The following AP1B1 variants were observed in gnomAD, a reference collection of about 807,000 sequenced individuals.
The protein encoded by AP1B1 is AP-1 complex subunit beta-1.
AP1B1 carries 36 observed loss-of-function variants against 104.3 expected under a neutral mutation model. The observed-to-expected ratio is 0.35, with a 90% CI of 0.26 to 0.46. AP1B1 has a LOEUF of 0.46. Among genes scored for constraint, AP1B1 ranks in the 20% least tolerant of loss-of-function variants. AP1B1 has a pLI of 1.00. For synonymous variants in AP1B1, 504 were observed against 517.5 expected, an observed-to-expected ratio of 0.97 and a Z score of 0.35; for missense variants, 901 against 1,247.9, an observed-to-expected ratio of 0.72 and a Z score of 4.19.
chr22:29,335,784 C>T (rs1007099781), intron 16 of AP1B1, among the ~76,000 whole-genome samples: 6 of 152,304 alleles, frequency 3.9e-5, no homozygotes, highest in Non-Finnish European at 8.8e-5. Context: ...GCTTTGAAAG[C>T]GCCTCCCCAC....
At chr22:29,352,033 C>T (rs1240923949) in intron 7 of AP1B1, among the ~76,000 whole-genome samples, 1 of 152,248 alleles carries the variant, frequency 6.6e-6, no homozygotes, top group African/African-American at 2.4e-5. Context: ...TGTGCCTGAG[C>T]ACGTCGCCGG....
chr22:29,367,416 C>A (rs372729910), intron 1 of AP1B1, 146 bp from the exon 2 acceptor site: 2 of 477,190 alleles, frequency 4.2e-6, no homozygotes, highest in South Asian at 2.5e-5. Flanking sequence ...AACTTTAGAT[C>A]ATGGCAGATT....
intron 7 of AP1B1, among the ~76,000 whole-genome samples, chr22:29,352,302 G>A (rs2061888828): frequency 6.6e-6 from 1 of 152,202 alleles, no homozygotes; most frequent in Non-Finnish European, 1.5e-5. Context: ...AATGATAAAG[G>A]TATTTAACTG....
intron 16 of AP1B1, among the ~76,000 whole-genome samples, chr22:29,336,092 T>C (rs969001260): frequency 2.0e-5 from 3 of 152,198 alleles, no homozygotes; most frequent in African/African-American, 7.2e-5. Flanking sequence ...CTTCAATCTT[T>C]ACTGGATGAA....
rs781249234 is a variant in AP1B1, at chr22:29,328,800, G to A, written c.*21C>T. 34 of 1,597,986 alleles carry A rather than the reference G, an allele frequency of 2.1e-5. No individual in the cohort carries two copies. The South Asian group carries it at 3.4e-4, about 16-fold the overall frequency. ...CCTCGATGGGGCGGGCAGAAGGCTG[G>A]GGTGGGCGCTGGCCGGGGTCTCAGT... On this transcript the variant is annotated 3_prime_UTR_variant, in exon 23 of 23. Coordinates refer to ENST00000357586, the MANE Select transcript of AP1B1 (RefSeq NM_001127.4). This position sits in a 1 kb window ranked among gnomAD's most constrained non-coding sequence, Gnocchi z 4.1.
chr22:29,381,192 T>C (rs2062431289), intron 1 of AP1B1, among the ~76,000 whole-genome samples: 1 of 152,158 alleles, frequency 6.6e-6, no homozygotes, highest in Admixed American at 6.6e-5. Context: ...GAGGCCTTCT[T>C]TGACCATTTT....
chr22:29,379,932 G>A (rs2148052633), intron 1 of AP1B1, among the ~76,000 whole-genome samples: 1 of 152,294 alleles, frequency 6.6e-6, no homozygotes, highest in East Asian at 1.9e-4. Flanking sequence ...TAGAGACACT[G>A]AGAGATGAGT....
chr22:29,339,658 C>A, intron 15 of AP1B1, 96 bp downstream of exon 15: 1 of 1,349,464 alleles, frequency 7.4e-7, no homozygotes. Flanking sequence ...GTGGAGGCTG[C>A]TGTGACATCA....
intron 11 of AP1B1, among the ~76,000 whole-genome samples, chr22:29,343,256 T>G (rs570509373): frequency 1.3e-5 from 2 of 152,266 alleles, no homozygotes; most frequent in South Asian, 4.1e-4. Flanking sequence ...TCAGGGGCAG[T>G]GGGAGCCCAT....
intron 1 of AP1B1, among the ~76,000 whole-genome samples, chr22:29,378,109 C>G (rs2062374990): frequency 6.6e-6 from 1 of 152,082 alleles, no homozygotes; most frequent in South Asian, 2.1e-4. Flanking sequence ...TGCAGAGTCC[C>G]TCAGATGTTG....
At chr22:29,379,068 A>G (rs2148050649) in intron 1 of AP1B1, among the ~76,000 whole-genome samples, 1 of 152,138 alleles carries the variant, frequency 6.6e-6, no homozygotes, top group African/African-American at 2.4e-5. Flanking sequence ...TGAAGAAAAA[A>G]AAGTGATGGG....
intron 1 of AP1B1, among the ~76,000 whole-genome samples, chr22:29,380,417 G>A (rs556495868): frequency 6.7e-6 from 1 of 148,284 alleles, no homozygotes; most frequent in East Asian, 2.0e-4. Context: ...GAACCCCCGG[G>A]CACACATGTC....
chr22:29,360,014 AT>A, intron 3 of AP1B1, 55 bp from the exon 4 acceptor site: 5 of 1,577,752 alleles, frequency 3.2e-6, no homozygotes, highest in Non-Finnish European at 4.3e-6. Flanking sequence ...GAAGAGGAAG[AT>A]TTTCAGGCTG....
At chr22:29,363,890 G>C (rs894383438) in intron 2 of AP1B1, among the ~76,000 whole-genome samples, 58 of 151,658 alleles carry the variant, frequency 3.8e-4, no homozygotes, top group Admixed American at 7.2e-4. Context: ...GTGAGATCCT[G>C]TCTCCAAAAA....
intron 5 of AP1B1, among the ~76,000 whole-genome samples, chr22:29,358,235 G>A (rs1426600121): frequency 6.6e-6 from 1 of 152,188 alleles, no homozygotes; most frequent in South Asian, 2.1e-4. Context: ...GCTACATCCT[G>A]ATGTCCTGTC....
At position 29,333,157 on chromosome 22, in the gene AP1B1, T is replaced by C. The variant is rs867392589; in HGVS notation, c.2309+1108A>G. ...GGTCAGGACCTACTGGCCCCCAGGCTTCCTTGGGGAAGCAGCCCCTTCAGT... is the reference window on the plus strand; with the variant it reads ...GGTCAGGACCTACTGGCCCCCAGGCCTCCTTGGGGAAGCAGCCCCTTCAGT... On this transcript the variant is annotated intron_variant, in intron 17 of 22. Transcript: ENST00000357586. 109 of 154,870 alleles carry C rather than the reference T, an allele frequency of 7.0e-4. 3 individuals carry two copies. In the Middle Eastern group the frequency reaches 0.042, roughly 59 times the overall value. 9.6% of individuals were successfully genotyped at this position (154,870 alleles called of 1,614,324 possible).
chr22:29,351,842 A>G lies in AP1B1; in HGVS notation c.939-17T>C, dbSNP rs1685955140. The G allele has an allele frequency of 6.2e-7, 1 of 1,613,832 alleles. No individual in the cohort carries two copies. Among genetic ancestry groups the G allele is most frequent in the Non-Finnish European group, 8.5e-7 (1 of 1,179,858 alleles). On this transcript the variant is annotated splice_polypyrimidine_tract_variant and intron_variant, in intron 7 of 22. Transcript: ENST00000357586. ...ATCTCAGGCCTGGTGGTGGGGCAGG[A>G]TGCCCGGAGAGCAAAAAACAAGGCT...
rs757161028 is a variant in AP1B1 at position 29,356,590 on chromosome 22, G to A, written c.552C>T (p.Leu184=). Residue 184 remains leucine, a synonymous_variant, in exon 6 of 23, where the codon CTC becomes CTT. Transcript: ENST00000357586. The part of the protein sequence containing the change: ...PMVVANAVAA[L]SEIAESHPSS... ...TGGGGTGAGACTCGGCAATTTCTGA[G>A]AGCGCTGCCACTGCATTGGCCACCA... 12 of 1,614,140 alleles carry A rather than the reference G, an allele frequency of 7.4e-6. No homozygotes were observed. The highest frequency in any genetic ancestry group is 4.5e-5 in the East Asian group (2 of 44,886).
At chr22:29,352,310 C>T (rs1030433960) in intron 7 of AP1B1, among the ~76,000 whole-genome samples, 1 of 152,244 alleles carries the variant, frequency 6.6e-6, no homozygotes, top group Non-Finnish European at 1.5e-5. Flanking sequence ...AGGTATTTAA[C>T]TGTACCTAGA....
Sources: allele counts gnomAD v4.1 joint callset (sites outside exome capture counted in the v4.1 genomes callset), GRCh38; gene constraint gnomAD v4.1.1; non-coding constraint Gnocchi (gnomAD v3.1); transcripts MANE v1.5; gene names NCBI Gene and HGNC (gene_info 2026-07-23, HGNC 2026-07-21).